GLT1D1: variants seen among roughly 807,000 people sequenced by gnomAD.
GLT1D1 encodes the protein glycosyltransferase 1 domain containing 1.
A neutral mutation model predicts 28.7 loss-of-function variants in GLT1D1; 21 were observed. The ratio of observed to expected loss-of-function variants is 0.73; its 90% CI spans 0.52 to 1.05. The LOEUF is 1.05. GLT1D1 is among the 50% of genes least tolerant of loss of function. GLT1D1 has a pLI of 0.00. For missense variants in GLT1D1, 343 were observed against 330.6 expected, an observed-to-expected ratio of 1.04 and a Z score of -0.29; for synonymous variants, 147 against 124.8, an observed-to-expected ratio of 1.18 and a Z score of -1.19.
chr12:128,883,716 C>A (rs34232000), intron 2 of GLT1D1, among the ~76,000 whole-genome samples: 1 of 151,974 alleles, frequency 6.6e-6, no homozygotes, highest in Admixed American at 6.6e-5. Context: ...AAGACCCTTA[C>A]GTGGGTGGCT....
intron 4 of GLT1D1, among the ~76,000 whole-genome samples, chr12:128,942,896 G>A (rs115708569): frequency 0.011 from 1,732 of 152,024 alleles, 77 homozygotes; most frequent in Admixed American, 0.094. Context: ...GGCTACAGGC[G>A]CGCCATCCAG....
intron 4 of GLT1D1, among the ~76,000 whole-genome samples, chr12:128,931,917 G>GCACGCACGCA (rs1368012620): frequency 7.1e-6 from 1 of 141,002 alleles, no homozygotes; most frequent in African/African-American, 2.6e-5. Context: ...ACACACGCAC[G>GCACGCACGCA]CACACACACA....
intron 7 of GLT1D1, among the ~76,000 whole-genome samples, chr12:128,982,419 C>T (rs147146124): frequency 1.6e-4 from 24 of 152,228 alleles, no homozygotes; most frequent in African/African-American, 5.8e-4. Context: ...AGATACCACC[C>T]GTATTGTGAA....
At chr12:128,904,253 A>G (rs1459380782) in intron 4 of GLT1D1, among the ~76,000 whole-genome samples, 1 of 151,858 alleles carries the variant, frequency 6.6e-6, no homozygotes, top group Non-Finnish European at 1.5e-5. Context: ...ATTATGTGCC[A>G]TTTTACCTGC....
At chr12:128,896,049 G>A (rs1256777993) in intron 3 of GLT1D1, among the ~76,000 whole-genome samples, 1 of 152,170 alleles carries the variant, frequency 6.6e-6, no homozygotes, top group African/African-American at 2.4e-5. Context: ...CAACATGGAG[G>A]TCCTTAGTGA....
Position 128,956,171 on chromosome 12 carries a change from A to AAAAAAAAAAAAAAG in GLT1D1, c.541-1373_541-1372insAAAAAAAAAAAAGA, listed in dbSNP as rs374597920. On this transcript the variant is annotated intron_variant, in intron 6 of 7. Transcript: ENST00000281703. Reference sequence around the variant, plus strand: ...GAGACTCCATCTCAAAAAAAAAAAAAAGAGAAAGAGAGAAAGAAAGAAAGA... The same window carrying AAAAAAAAAAAAAAG: ...GAGACTCCATCTCAAAAAAAAAAAAAAAAAAAAAAAAAAGAGAGAAAGAGAGAAAGAAAGAAAGA... Among the ~76,000 whole-genome samples the AAAAAAAAAAAAAAG allele has an allele frequency of 1.0e-3, 67 of 63,910 alleles. 4 individuals carry two copies. Among genetic ancestry groups the AAAAAAAAAAAAAAG allele is most frequent in the African/African-American group, 1.6e-3 (35 of 22,298 alleles). The allele number at this position is 63,910 out of a possible 152,430, so 41.9% of individuals were successfully genotyped here. A position where few individuals can be genotyped will look rare whatever the true frequency, so the allele number is the denominator to read the frequency against.
intron 4 of GLT1D1, among the ~76,000 whole-genome samples, chr12:128,937,800 A>T (rs1043782848): frequency 6.6e-6 from 1 of 152,270 alleles, no homozygotes; most frequent in Non-Finnish European, 1.5e-5. Flanking sequence ...TGCTGCTGCC[A>T]TGTGAAGAAA....
chr12:128,944,364 G>C (rs1565901647), intron 4 of GLT1D1: 2 of 891,608 alleles, frequency 2.2e-6, no homozygotes, highest in Non-Finnish European at 3.7e-6. Flanking sequence ...CTGTTCTGGA[G>C]AATGTTTCCA....
chr12:128,908,334 CTT>C (rs1566122288), intron 4 of GLT1D1, among the ~76,000 whole-genome samples: 9 of 144,732 alleles, frequency 6.2e-5, no homozygotes, highest in African/African-American at 2.3e-4. Context: ...TTCTTTCTTT[CTT>C]TCTTTCTTTC....
At position 128,946,606 on chromosome 12, in the gene GLT1D1, T is replaced by C. The variant is rs527552782; in HGVS notation, c.420-732T>C. ...CTTTGGCCTCCTAAAGTGCTGGGAT[T>C]ACAGGCGTGAGCCACTGCGCCCGGC... On this transcript the variant is annotated intron_variant, in intron 5 of 7. Coordinates refer to ENST00000281703, the MANE Select transcript of GLT1D1 (RefSeq NM_144669.3). Among the ~76,000 whole-genome samples, 400 of 150,478 alleles carry C rather than the reference T, an allele frequency of 2.7e-3. 1 individual carries two copies. The highest frequency in any genetic ancestry group is 6.9e-3 in the Middle Eastern group (2 of 288).
chr12:128,903,015 C>A (rs1870460454), intron 4 of GLT1D1, among the ~76,000 whole-genome samples: 1 of 148,068 alleles, frequency 6.8e-6, no homozygotes. Flanking sequence ...CTGCAAGACT[C>A]CGTCTCAAAA....
At chr12:128,958,238 G>T (rs1350395854) in intron 7 of GLT1D1, among the ~76,000 whole-genome samples, 2 of 152,202 alleles carry the variant, frequency 1.3e-5, no homozygotes, top group East Asian at 3.9e-4. Flanking sequence ...TCCAGGGTTT[G>T]CCTGCATCCG....
intron 6 of GLT1D1, among the ~76,000 whole-genome samples, chr12:128,951,968 G>T (rs1429836350): frequency 6.6e-6 from 1 of 152,154 alleles, no homozygotes; most frequent in Non-Finnish European, 1.5e-5. Flanking sequence ...GCCCGCCATG[G>T]TGTGGAATCC....
At chr12:128,859,266 G>C (rs1023366640) in intron 1 of GLT1D1, among the ~76,000 whole-genome samples, 12 of 152,200 alleles carry the variant, frequency 7.9e-5, no homozygotes, top group Non-Finnish European at 1.0e-4. Flanking sequence ...GAGAACGGAG[G>C]GGGAGGCGTC....
At position 128,947,326 on chromosome 12, in the gene GLT1D1, T is replaced by G. The variant is rs1876230133; in HGVS notation, c.420-12T>G. 2 of 1,613,742 alleles carry G rather than the reference T, an allele frequency of 1.2e-6. No homozygotes were observed. Among genetic ancestry groups the G allele is most frequent in the Non-Finnish European group, 1.7e-6 (2 of 1,179,904 alleles). ...TTGGAATCAGAGCCACTCTTCCTGCTTTGTGTTTCAGAGCCGCTGGGGTAC... is the reference window on the plus strand; with the variant it reads ...TTGGAATCAGAGCCACTCTTCCTGCGTTGTGTTTCAGAGCCGCTGGGGTAC... On this transcript the variant is annotated splice_polypyrimidine_tract_variant and intron_variant, in intron 5 of 7. Coordinates refer to ENST00000281703, the MANE Select transcript of GLT1D1 (RefSeq NM_144669.3).
intron 5 of GLT1D1, among the ~76,000 whole-genome samples, chr12:128,946,339 C>T (rs1445744520): frequency 2.0e-5 from 3 of 152,044 alleles, no homozygotes; most frequent in African/African-American, 7.2e-5. Context: ...TTTCTATTTC[C>T]ATTCTTTTTT....
intron 4 of GLT1D1, among the ~76,000 whole-genome samples, chr12:128,911,382 C>T (rs574058533): frequency 1.8e-4 from 28 of 152,330 alleles, no homozygotes; most frequent in African/African-American, 2.9e-4. Context: ...GTGGGGACAA[C>T]GTCCAACGTG....
rs61169176 is a variant in GLT1D1 at position 128,973,179 on chromosome 12, G to GTTTTTTTTTTTTTTTTTTTTTTTTT, written c.640-9747_640-9723dup. ...CTTTTCTGTTTTGTTTGTTTGCTTGGTTTTTTTTTTTTTTTTTTTTTTTTT... is the reference window on the plus strand; with the variant it reads ...CTTTTCTGTTTTGTTTGTTTGCTTGGTTTTTTTTTTTTTTTTTTTTTTTTTTTTTTTTTTTTTTTTTTTTTTTTTT... On this transcript the variant is annotated intron_variant, in intron 7 of 7. Transcript: ENST00000281703. 1.4e-3 allele frequency among the ~76,000 whole-genome samples: 71 copies of GTTTTTTTTTTTTTTTTTTTTTTTTT among 50,986 alleles called. 10 individuals are homozygous for GTTTTTTTTTTTTTTTTTTTTTTTTT. Among genetic ancestry groups the GTTTTTTTTTTTTTTTTTTTTTTTTT allele is most frequent in the Non-Finnish European group, 2.2e-3 (56 of 24,890 alleles). 33.4% of individuals were successfully genotyped at this position (50,986 alleles called of 152,430 possible).
At chr12:128,968,702 C>T (rs188708440) in intron 7 of GLT1D1, among the ~76,000 whole-genome samples, 218 of 152,178 alleles carry the variant, frequency 1.4e-3, no homozygotes, top group African/African-American at 2.8e-3. Flanking sequence ...AAACCTCACC[C>T]GAGCAGCATA....
Sources: allele counts gnomAD v4.1 joint callset (sites outside exome capture counted in the v4.1 genomes callset), GRCh38; gene constraint gnomAD v4.1.1; transcripts MANE v1.5; gene names NCBI Gene and HGNC (gene_info 2026-07-23, HGNC 2026-07-21).